Variants in SYT2 observed in about 807,000 individuals in gnomAD.
The protein encoded by SYT2 is synaptotagmin-2.
SYT2 carries 15 observed loss-of-function variants against 39.9 expected under a neutral mutation model. The observed-to-expected ratio is 0.38, with a 90% CI of 0.25 to 0.58. SYT2 has a LOEUF of 0.58. Ranked by LOEUF, SYT2 falls within the 20% of genes least tolerant of loss-of-function variation. SYT2 has a pLI of 0.70. For missense variants in SYT2, 389 were observed against 530.3 expected (o/e 0.73, Z 2.62); for synonymous variants, 181 against 204.5 (o/e 0.89, Z 0.98).
intron 1 of SYT2, among the ~76,000 whole-genome samples, chr1:202,671,088 C>G (rs1692580774): frequency 6.6e-6 from 1 of 152,224 alleles, no homozygotes; most frequent in Non-Finnish European, 1.5e-5. Context: ...ATGAAGCAGT[C>G]AGACCAGCAA....
At chr1:202,617,395 C>T (rs1039452069) in intron 1 of SYT2, among the ~76,000 whole-genome samples, 5 of 152,066 alleles carry the variant, frequency 3.3e-5, no homozygotes, top group Non-Finnish European at 5.9e-5. Context: ...CTCGCCTCTT[C>T]CTCCTGCTCT....
At chr1:202,662,573 G>A (rs894643728) in intron 1 of SYT2, among the ~76,000 whole-genome samples, 8 of 152,224 alleles carry the variant, frequency 5.3e-5, no homozygotes, top group African/African-American at 1.9e-4. Flanking sequence ...AACGGATGGA[G>A]CGGGGTGGGT....
Position 202,698,116 on chromosome 1 carries a change from C to A in SYT2, c.-18+12142G>T, listed in dbSNP as rs928424283. Among the ~76,000 whole-genome samples the A allele has an allele frequency of 2.7e-5, 4 of 150,182 alleles. No homozygotes were observed. In the Admixed American group the frequency reaches 2.7e-4, roughly 10 times the overall value. Reference sequence around the variant, plus strand: ...GGCAGCGTCCAGGGTCTCACCACCCCCCCAAGGAAAGTTCACTCTGCTCAA... The same window carrying A: ...GGCAGCGTCCAGGGTCTCACCACCCACCCAAGGAAAGTTCACTCTGCTCAA... On this transcript the variant is annotated intron_variant, in intron 1 of 8. Transcript: ENST00000367268.
intron 4 of SYT2, 29 bp from the exon 5 acceptor site, chr1:202,602,574 T>TA (rs1422247192): frequency 6.3e-7 from 1 of 1,598,064 alleles, no homozygotes; most frequent in Non-Finnish European, 8.5e-7. Flanking sequence ...AGAAGGGGCC[T>TA]GAGTCTCAGG....
rs201139201 is a variant in SYT2, at chr1:202,602,090, G to A, written c.634-33C>T. 40 of 1,611,758 alleles carry A rather than the reference G, an allele frequency of 2.5e-5. No homozygotes were observed. In the African/African-American group the frequency reaches 2.8e-4, roughly 11 times the overall value. On this transcript the variant is annotated intron_variant, in intron 5 of 8. Coordinates refer to ENST00000367268, the MANE Select transcript of SYT2 (RefSeq NM_177402.5). ...GCACAAGCAGAATCAGAGGGGGCCA[G>A]AGCGACTCACGCACCTCCAGGGGTG... is the stretch of plus-strand genomic sequence containing the variant.
intron 1 of SYT2, among the ~76,000 whole-genome samples, chr1:202,653,112 CATAGAAAATCTCG>C (rs1290706047): frequency 1.3e-5 from 2 of 152,054 alleles, no homozygotes; most frequent in Non-Finnish European, 2.9e-5. Context: ...CCACTATTTT[CATAGAAAATCTCG>C]ATTGTCACTC....
intron 1 of SYT2, among the ~76,000 whole-genome samples, chr1:202,687,519 G>A (rs1441525860): frequency 5.3e-5 from 8 of 152,040 alleles, no homozygotes; most frequent in East Asian, 1.9e-4. Flanking sequence ...TGACAACTGC[G>A]TGTCTGTCAG....
At chr1:202,665,767 A>G (rs1311948316) in intron 1 of SYT2, among the ~76,000 whole-genome samples, 4 of 152,134 alleles carry the variant, frequency 2.6e-5, no homozygotes, top group Admixed American at 6.5e-5. Context: ...ATTGGTCATC[A>G]GTGAAATGTT....
chr1:202,606,606 G>A (rs752158687), intron 1 of SYT2, among the ~76,000 whole-genome samples: 4 of 152,054 alleles, frequency 2.6e-5, no homozygotes, highest in Non-Finnish European at 5.9e-5. Flanking sequence ...GTAGGAAGAC[G>A]GCACCCACAT....
In SYT2 at chr1:202,599,068, G is replaced by C; in HGVS notation, c.1053+150C>G. ...GATCCCTGAAGCACTTGGGAAGGAG[G>C]CCCCACCCAGGCACCATTAGACCTC... On this transcript the variant is annotated intron_variant, in intron 8 of 8. Coordinates refer to ENST00000367268, the MANE Select transcript of SYT2 (RefSeq NM_177402.5). This position sits in a 1 kb window ranked among gnomAD's most constrained non-coding sequence, Gnocchi z 4.4. The C allele has an allele frequency of 9.7e-7, 1 of 1,026,398 alleles. No homozygotes were observed. The highest frequency in any genetic ancestry group is 1.6e-5 in the South Asian group (1 of 63,752). The allele number at this position is 1,026,398 out of a possible 1,614,324, so 63.6% of individuals were successfully genotyped here. A position where few individuals can be genotyped will look rare whatever the true frequency, so the allele number is the denominator to read the frequency against.
At chr1:202,639,754 A>G (rs1263444168) in intron 1 of SYT2, 1 of 985,326 alleles carries the variant, frequency 1.0e-6, no homozygotes, top group Non-Finnish European at 1.2e-6. Context: ...TCCAGGCCCC[A>G]TGACGAAGAC....
intron 1 of SYT2, among the ~76,000 whole-genome samples, chr1:202,706,740 T>C (rs968444934): frequency 2.6e-5 from 4 of 152,238 alleles, no homozygotes; most frequent in African/African-American, 9.6e-5. Context: ...CCAGCTTCTC[T>C]GGCCTGGCTT....
At chr1:202,653,710 G>A (rs146466863) in intron 1 of SYT2, among the ~76,000 whole-genome samples, 2 of 152,316 alleles carry the variant, frequency 1.3e-5, no homozygotes, top group Non-Finnish European at 2.9e-5. Flanking sequence ...GCAAGGTACC[G>A]CTGCATGCTT....
intron 1 of SYT2, among the ~76,000 whole-genome samples, chr1:202,612,180 T>A (rs1251773138): frequency 6.6e-6 from 1 of 152,210 alleles, no homozygotes; most frequent in Non-Finnish European, 1.5e-5. Context: ...GTTGTCTTAG[T>A]TCCCTTGTAA....
intron 1 of SYT2, among the ~76,000 whole-genome samples, chr1:202,644,218 C>T (rs1440510371): frequency 6.6e-6 from 1 of 151,986 alleles, no homozygotes; most frequent in Admixed American, 6.6e-5. Flanking sequence ...TGGAGGGGTA[C>T]GGGTGTGGGG....
chr1:202,709,764 C>G (rs1001204030), intron 1 of SYT2, among the ~76,000 whole-genome samples: 2 of 152,192 alleles, frequency 1.3e-5, no homozygotes, highest in African/African-American at 4.8e-5. Context: ...CGGCTCCCAG[C>G]GCCCAGACCC....
chr1:202,603,882 C>T (rs1022020538), intron 3 of SYT2, among the ~76,000 whole-genome samples: 1 of 152,104 alleles, frequency 6.6e-6, no homozygotes, highest in Non-Finnish European at 1.5e-5. Context: ...CCTAGTCACC[C>T]CCAAACAAAC....
intron 1 of SYT2, among the ~76,000 whole-genome samples, chr1:202,629,710 A>G (rs1375040087): frequency 2.0e-5 from 3 of 152,072 alleles, no homozygotes; most frequent in Non-Finnish European, 4.4e-5. Flanking sequence ...CTCTACAAAA[A>G]ATTTTAAAAT....
In SYT2 at chr1:202,679,775, C is replaced by G. The variant is rs12729528; in HGVS notation, c.-18+30483G>C. ...CCTTCAATGGAAAAAACTCCAAACT[C>G]CTTAGCCCAGCATTCAAGGCCCTTC... On this transcript the variant is annotated intron_variant, in intron 1 of 8. Coordinates refer to ENST00000367268, the MANE Select transcript of SYT2 (RefSeq NM_177402.5). 2.9e-3 allele frequency among the ~76,000 whole-genome samples: 437 copies of G among 152,286 alleles called. 2 individuals carry two copies. The highest frequency in any genetic ancestry group is 4.5e-3 in the Non-Finnish European group (303 of 68,030).
Sources: allele counts gnomAD v4.1 joint callset (sites outside exome capture counted in the v4.1 genomes callset), GRCh38; gene constraint gnomAD v4.1.1; non-coding constraint Gnocchi (gnomAD v3.1); transcripts MANE v1.5; gene names NCBI Gene and HGNC (gene_info 2026-07-23, HGNC 2026-07-21).